GRXCR1: variants seen among roughly 807,000 people sequenced by gnomAD.
GRXCR1 encodes the protein glutaredoxin and cysteine rich domain containing 1, also known as glutaredoxin domain-containing cysteine-rich protein 1.
Under a neutral mutation model 27.3 loss-of-function variants are expected in GRXCR1, and 27 were observed. The ratio of observed to expected loss-of-function variants is 0.99; its 90% CI spans 0.73 to 1.37. The LOEUF is 1.37. Among genes scored for constraint, GRXCR1 ranks in the 40% most tolerant of loss-of-function variants. The pLI is 0.00. For synonymous variants in GRXCR1, 122 were observed against 131.1 expected (o/e 0.93, Z 0.47); for missense variants, 379 against 354.4 (o/e 1.07, Z -0.56).
At chr4:42,947,079 C>G (rs563313052) in intron 1 of GRXCR1, among the ~76,000 whole-genome samples, 2 of 152,094 alleles carry the variant, frequency 1.3e-5, no homozygotes, top group South Asian at 2.1e-4. Flanking sequence ...GAAGTATTTG[C>G]AAGTAGAGTG....
intron 1 of GRXCR1, among the ~76,000 whole-genome samples, chr4:42,925,383 A>T (rs1171947822): frequency 6.6e-6 from 1 of 152,048 alleles, no homozygotes; most frequent in African/African-American, 2.4e-5. Context: ...ACTTGAAATA[A>T]TTCAATTCCA....
chr4:42,937,491 GCTGACA>G (rs1747488357), intron 1 of GRXCR1, among the ~76,000 whole-genome samples: 1 of 151,868 alleles, frequency 6.6e-6, no homozygotes, highest in Admixed American at 6.6e-5. Context: ...GGACCTCTCA[GCTGACA>G]GACCAAGGAA....
chr4:43,000,145 T>C (rs1712303283), intron 2 of GRXCR1, among the ~76,000 whole-genome samples: 1 of 152,204 alleles, frequency 6.6e-6, no homozygotes. Flanking sequence ...TTGTCCAGTG[T>C]CTCCACACTA....
At chr4:43,029,117 C>T (rs887924543) in intron 3 of GRXCR1, among the ~76,000 whole-genome samples, 2 of 152,124 alleles carry the variant, frequency 1.3e-5, no homozygotes, top group Admixed American at 6.5e-5. Context: ...TACCAAAGTA[C>T]ATCCCACAGG....
chr4:42,988,328 C>G (rs1711846953), intron 2 of GRXCR1, among the ~76,000 whole-genome samples: 1 of 152,110 alleles, frequency 6.6e-6, no homozygotes. Context: ...AGTGACACCA[C>G]ATTTCCGTCA....
At chr4:43,017,048 T>C (rs1011097141) in intron 2 of GRXCR1, among the ~76,000 whole-genome samples, 1 of 152,246 alleles carries the variant, frequency 6.6e-6, no homozygotes, top group African/African-American at 2.4e-5. Context: ...TTTCATGTAT[T>C]GAAGGGTAAT....
chr4:42,987,133 AGAAG>A (rs1276254701), intron 2 of GRXCR1, among the ~76,000 whole-genome samples: 1 of 148,228 alleles, frequency 6.7e-6, no homozygotes, highest in African/African-American at 2.5e-5. Context: ...AGATTTATTT[AGAAG>A]GAAGAGGAGA....
chr4:42,976,129 C>T (rs1453881194), intron 2 of GRXCR1, among the ~76,000 whole-genome samples: 3 of 152,018 alleles, frequency 2.0e-5, no homozygotes, highest in Non-Finnish European at 4.4e-5. Flanking sequence ...CTAGCAGGTC[C>T]ATTGTTTAAT....
At chr4:42,916,642 C>A (rs1746892943) in intron 1 of GRXCR1, among the ~76,000 whole-genome samples, 1 of 152,050 alleles carries the variant, frequency 6.6e-6, no homozygotes, top group Non-Finnish European at 1.5e-5. Flanking sequence ...TGAAGGCGCA[C>A]AATTTCCGTT....
chr4:42,920,119 C>G (rs1746974861), intron 1 of GRXCR1, among the ~76,000 whole-genome samples: 1 of 152,082 alleles, frequency 6.6e-6, no homozygotes, highest in African/African-American at 2.4e-5. Context: ...TCTTTAGCAT[C>G]ACTGGCTGAC....
intron 1 of GRXCR1, among the ~76,000 whole-genome samples, chr4:42,929,651 C>A (rs1174561090): frequency 1.3e-5 from 2 of 151,818 alleles, no homozygotes; most frequent in Non-Finnish European, 2.9e-5. Flanking sequence ...AGAAATGCTA[C>A]TTAAAGTCAC....
At chr4:42,900,412 G>A (rs1327810702) in intron 1 of GRXCR1, among the ~76,000 whole-genome samples, 2 of 152,102 alleles carry the variant, frequency 1.3e-5, no homozygotes, top group Non-Finnish European at 2.9e-5. Context: ...TGAAGTAATA[G>A]ACTCTTTTAC....
chr4:42,969,035 A>G (rs1215198871), intron 2 of GRXCR1, among the ~76,000 whole-genome samples: 1 of 152,096 alleles, frequency 6.6e-6, no homozygotes, highest in African/African-American at 2.4e-5. Context: ...ATTTTCATGT[A>G]GTCAATGATT....
chr4:42,897,543 T>A (rs777020700), intron 1 of GRXCR1, among the ~76,000 whole-genome samples: 1 of 152,072 alleles, frequency 6.6e-6, no homozygotes, highest in Non-Finnish European at 1.5e-5. Flanking sequence ...CCGGTTAGTG[T>A]GATTGTATTT....
chr4:42,936,679 T>A (rs1211165423), intron 1 of GRXCR1, among the ~76,000 whole-genome samples: 1 of 151,966 alleles, frequency 6.6e-6, no homozygotes, highest in East Asian at 1.9e-4. Flanking sequence ...AGGTTAGATA[T>A]TTCATTCATT....
At chr4:43,023,984 G>A (rs985958956) in intron 3 of GRXCR1, among the ~76,000 whole-genome samples, 2 of 152,088 alleles carry the variant, frequency 1.3e-5, no homozygotes, top group Non-Finnish European at 2.9e-5. Context: ...TAACCAAGAT[G>A]GATAGCTAAT....
intron 2 of GRXCR1, among the ~76,000 whole-genome samples, chr4:42,967,704 T>C (rs753659254): frequency 5.3e-5 from 8 of 152,132 alleles, no homozygotes; most frequent in Non-Finnish European, 1.2e-4. Context: ...AAATATTCAT[T>C]GTTGGGATAA....
rs1167140705 is a variant in GRXCR1, at chr4:42,968,705, GA to G, written c.627+5574del. 3.9e-4 allele frequency among the ~76,000 whole-genome samples: 59 copies of G among 151,704 alleles called. 1 individual carries two copies. The highest frequency in any genetic ancestry group is 8.1e-4 in the Non-Finnish European group (55 of 67,922). On this transcript the variant is annotated intron_variant, in intron 2 of 3. Coordinates refer to ENST00000399770, the MANE Select transcript of GRXCR1 (RefSeq NM_001080476.3). ...TGCCATCATACCTGTATTCCATTCA[GA>G]AATGGAATAAAAAAGAAAAGCAAAA...
intron 2 of GRXCR1, among the ~76,000 whole-genome samples, chr4:43,010,047 C>T (rs1356352094): frequency 6.6e-6 from 1 of 152,128 alleles, no homozygotes; most frequent in East Asian, 1.9e-4. Flanking sequence ...TTAGGTTGAA[C>T]TCTCACTTCA....
Sources: gnomAD v4.1 joint callset for allele counts (sites outside exome capture counted in the v4.1 genomes callset) on GRCh38, gnomAD v4.1.1 for gene constraint, MANE v1.5 for transcripts, NCBI Gene and HGNC (gene_info 2026-07-23, HGNC 2026-07-21) for gene names.